The following CLU variants were observed in gnomAD, a reference collection of about 807,000 sequenced individuals.
CLU encodes clusterin.
In CLU, 25 loss-of-function variants were observed where a neutral mutation model predicts 46.4. That is an observed-to-expected ratio of 0.54 (90% CI 0.39 to 0.75). The LOEUF is 0.75. Ranked by LOEUF, CLU falls within the 30% of genes least tolerant of loss-of-function variation. The pLI, the probability that CLU is intolerant of heterozygous loss-of-function variation, is 0.00. For synonymous variants in CLU, 235 were observed against 235.1 expected, an observed-to-expected ratio of 1.00 and a Z score of 0.00; for missense variants, 504 against 592.1, an observed-to-expected ratio of 0.85 and a Z score of 1.54.
rs778078722 is a variant in CLU at position 27,610,518 on chromosome 8, C to A, written c.54G>T (p.Gly18=). ...AGACCGTCTGGTCCCCCAGGACCTG[C>A]CCACTCTCCCAGGTCAGCAGCAGCC... ...FVGLLLTWES[G]QVLGDQTVSD... Residue 18 remains glycine, a synonymous_variant, in exon 2 of 9, where the codon GGG becomes GGT. Coordinates refer to ENST00000316403, the MANE Select transcript of CLU (RefSeq NM_001831.4). 3 of 1,614,130 alleles carry A rather than the reference C, an allele frequency of 1.9e-6. No homozygotes were observed. In the East Asian group the frequency reaches 6.7e-5, roughly 36 times the overall value.
intron 1 of CLU, chr8:27,611,959 C>T (rs867778829): frequency 6.1e-5 from 22 of 359,804 alleles, no homozygotes; most frequent in Middle Eastern, 9.9e-4. Context: ...GCCAGGGGCC[C>T]CTGAAAGCAA....
chr8:27,605,207 G>A lies in CLU; in HGVS notation c.546C>T (p.Arg182=), dbSNP rs371632446. ...MLDVMQDHFS[R]ASSIIDELFQ... is the part of the protein sequence containing the mutation. ...AGAGCTCGTCTATGATGCTGGACGC[G>A]CGGCTGAAGTGGTCCTGCATGACAT... is the stretch of plus-strand genomic sequence containing the variant. Residue 182 remains arginine, a synonymous_variant, in exon 5 of 9, where the codon CGC becomes CGT. Transcript: ENST00000316403. 2.6e-5 allele frequency: 42 copies of A among 1,614,072 alleles called. No individual in the cohort carries two copies. The highest frequency in any genetic ancestry group is 3.3e-5 in the South Asian group (3 of 91,084).
intron 6 of CLU, among the ~76,000 whole-genome samples, chr8:27,600,515 C>T (rs538636976): frequency 4.0e-4 from 61 of 152,344 alleles, no homozygotes; most frequent in East Asian, 1.3e-3. Context: ...TGAGCCACCA[C>T]GCCCAGCCTG....
At chr8:27,598,304 A>G in intron 8 of CLU, 54 bp from the exon 9 acceptor site, 2 of 1,609,978 alleles carry the variant, frequency 1.2e-6, no homozygotes, top group East Asian at 4.5e-5. Flanking sequence ...AAGGAAAAAT[A>G]AAATTCCCCC....
At position 27,604,474 on chromosome 8, in the gene CLU, A is replaced by G; in HGVS notation, c.830-79T>C. On this transcript the variant is annotated intron_variant, in intron 5 of 8. Coordinates refer to ENST00000316403, the MANE Select transcript of CLU (RefSeq NM_001831.4). ...TCCACTGATTCCTATTGTTATTTTT[A>G]TTTATTTTTTAATTTACAGACAGGG... The G allele has an allele frequency of 3.4e-6, 4 of 1,175,356 alleles. No individual in the cohort carries two copies. In the Admixed American group the frequency reaches 7.4e-5, roughly 22 times the overall value. The allele number at this position is 1,175,356 out of a possible 1,614,324, so 72.8% of individuals were successfully genotyped here.
Position 27,606,348 on chromosome 8 carries a change from T to C in CLU, c.417+6A>G. ...AGCCTTGGCCACTCATGTGTCCCCT[T>C]TTCACCTGGCGGCCAACCAGGCCTG... On this transcript the variant is annotated splice_donor_region_variant and intron_variant, in intron 4 of 8. Coordinates refer to ENST00000316403, the MANE Select transcript of CLU (RefSeq NM_001831.4). 3 of 1,613,900 alleles carry C rather than the reference T, an allele frequency of 1.9e-6. No homozygotes were observed. Among genetic ancestry groups the C allele is most frequent in the Non-Finnish European group, 2.5e-6 (3 of 1,180,014 alleles).
chr8:27,604,216 G>C (rs1800771624), intron 6 of CLU, 75 bp downstream of exon 6: 5 of 1,132,390 alleles, frequency 4.4e-6, no homozygotes, highest in African/African-American at 1.5e-5. Context: ...CATAAAGGCA[G>C]CACCAGTGAG....
chr8:27,605,297 G>T lies in CLU; in HGVS notation c.456C>A (p.Phe152Leu). Residue 152 changes from phenylalanine (F) to leucine (L), a missense_variant, in exon 5 of 9, where the codon TTC becomes TTA. Phe to Leu is a conservative substitution (Grantham distance 22). This residue lies in a region of CLU where 428 missense variants were observed against 484.0 expected (regional missense o/e 0.88). Coordinates refer to ENST00000316403, the MANE Select transcript of CLU (RefSeq NM_001831.4). ...AGTCGATGCGGTCACCATTCATCCA[G>T]AAGTAGAAGGGCGAGCTCTGGTTCA... ...EFLNQSSPFY[F>L]WMNGDRIDSL... 1 of 1,614,206 alleles carries T rather than the reference G, an allele frequency of 6.2e-7. No homozygotes were observed. Among genetic ancestry groups the T allele is most frequent in the Non-Finnish European group, 8.5e-7 (1 of 1,180,022 alleles).
chr8:27,612,712 CTCCTT>C (rs1198372544), intron 1 of CLU, among the ~76,000 whole-genome samples: 1 of 151,988 alleles, frequency 6.6e-6, no homozygotes, highest in Admixed American at 6.6e-5. Context: ...CACAGCCGAC[CTCCTT>C]TCCTTTGCTC....
intron 1 of CLU, chr8:27,614,409 C>A: frequency 6.9e-6 from 2 of 289,324 alleles, no homozygotes; most frequent in South Asian, 2.9e-5. Flanking sequence ...TTCTATTTAC[C>A]CCCCCACCAC....
chr8:27,598,655 A>C lies in CLU; in HGVS notation c.1165-20T>G, dbSNP rs1482098459. ...AGCCACCTAAATGGAACAAGAGAAA[A>C]GGGAAGAGCTGAAACACTGTGGTCA... On this transcript the variant is annotated intron_variant, in intron 7 of 8. Transcript: ENST00000316403. The C allele has an allele frequency of 6.2e-7, 1 of 1,612,932 alleles. No individual in the cohort carries two copies. Among genetic ancestry groups the C allele is most frequent in the South Asian group, 1.1e-5 (1 of 91,066 alleles).
Position 27,599,745 on chromosome 8 carries a change from C to T in CLU, c.1164+35G>A, listed in dbSNP as rs955505734. On this transcript the variant is annotated intron_variant, in intron 7 of 8. Transcript: ENST00000316403. This position sits in a 1 kb window ranked among gnomAD's most constrained non-coding sequence, Gnocchi z 4.0. ...CCTGCTCCCGATCACAGCTCGGGCT[C>T]CCGAGCCACAGCATGTGGCCGGGAC... 1.3e-6 allele frequency: 2 copies of T among 1,508,808 alleles called. No homozygotes were observed. Among genetic ancestry groups the T allele is most frequent in the Admixed American group, 1.8e-5 (1 of 54,346 alleles). 93.5% of individuals were successfully genotyped at this position (1,508,808 alleles called of 1,614,324 possible).
At chr8:27,605,958 T>G (rs561460424) in intron 4 of CLU, among the ~76,000 whole-genome samples, 2 of 152,018 alleles carry the variant, frequency 1.3e-5, no homozygotes, top group South Asian at 2.1e-4. Flanking sequence ...GAGGATCACC[T>G]GAACCCAGGA....
At chr8:27,611,448 T>A (rs1351503344) in intron 1 of CLU, 2 of 455,890 alleles carry the variant, frequency 4.4e-6, no homozygotes, top group South Asian at 3.1e-5. Context: ...ACCACTGGGC[T>A]GGCTGCCCTG....
Position 27,597,846 on chromosome 8 carries a change from ATTC to A in CLU, c.*392_*394del, listed in dbSNP as rs1264771483. 88 of 479,156 alleles carry A rather than the reference ATTC, an allele frequency of 1.8e-4. No individual in the cohort carries two copies. Among genetic ancestry groups the A allele is most frequent in the Non-Finnish European group, 7.0e-5 (17 of 244,038 alleles). The allele number at this position is 479,156 out of a possible 1,614,324, so 29.7% of individuals were successfully genotyped here. A position where few individuals can be genotyped will look rare whatever the true frequency, so the allele number is the denominator to read the frequency against. ...TATCCCTTTTATTCTTCACCCTTTTATTCTTCACTGGTATGACAGTCCCTATAC... is the reference window on the plus strand; with the variant it reads ...TATCCCTTTTATTCTTCACCCTTTTATTCACTGGTATGACAGTCCCTATAC... On this transcript the variant is annotated 3_prime_UTR_variant, in exon 9 of 9. Coordinates refer to ENST00000316403, the MANE Select transcript of CLU (RefSeq NM_001831.4).
chr8:27,604,785 T>G, intron 5 of CLU, 139 bp downstream of exon 5: 1 of 1,088,642 alleles, frequency 9.2e-7, no homozygotes, highest in Non-Finnish European at 1.4e-6. Flanking sequence ...AGCTCAGTTT[T>G]TTTCCTCTTT....
At position 27,605,028 on chromosome 8, in the gene CLU, G is replaced by A. The variant is rs1216874745; in HGVS notation, c.725C>T (p.Ala242Val). 6.2e-7 allele frequency: 1 copy of A among 1,614,000 alleles called. No homozygotes were observed. Among genetic ancestry groups the A allele is most frequent in the Non-Finnish European group, 8.5e-7 (1 of 1,180,044 alleles). ...FSPYEPLNFH[A>V]MFQPFLEMIH... ...CATCTCAAGGAAGGGCTGGAACATG[G>A]CGTGGAAGTTCAGGGGCTCGTACGG... The change falls in exon 5 of 9, where the codon GCC becomes GTC. Residue 242 changes from alanine to valine, a missense_variant. Transcript: ENST00000316403.
intron 1 of CLU, chr8:27,613,750 A>G (rs1800968582): frequency 6.6e-6 from 1 of 152,210 alleles, no homozygotes; most frequent in South Asian, 2.1e-4. Context: ...TTATTTTACC[A>G]TTCTCACAAG....
At position 27,596,930 on chromosome 8, in the gene CLU, A is replaced by C. The variant is rs552331350; in HGVS notation, c.*1311T>G. On this transcript the variant is annotated 3_prime_UTR_variant, in exon 9 of 9. Coordinates refer to ENST00000316403, the MANE Select transcript of CLU (RefSeq NM_001831.4). ...GAAAAGAAAAAGTAACTTTTGAAAC[A>C]GTGTGACATTAATGTGACAATGTGA... is the stretch of plus-strand genomic sequence containing the variant. 1 of 450,678 alleles carries C rather than the reference A, an allele frequency of 2.2e-6. No individual in the cohort carries two copies. Among genetic ancestry groups the C allele is most frequent in the Non-Finnish European group, 4.5e-6 (1 of 224,574 alleles). 27.9% of individuals were successfully genotyped at this position (450,678 alleles called of 1,614,324 possible).
Sources: allele counts gnomAD v4.1 joint callset (sites outside exome capture counted in the v4.1 genomes callset), GRCh38; gene constraint gnomAD v4.1.1; regional missense constraint gnomAD v4.1.1; non-coding constraint Gnocchi (gnomAD v3.1); transcripts MANE v1.5; gene names NCBI Gene and HGNC (gene_info 2026-07-23, HGNC 2026-07-21).